NLGN4X: variants seen among roughly 807,000 people sequenced by gnomAD.
The protein encoded by NLGN4X is neuroligin-4, X-linked.
Under a neutral mutation model 40.3 loss-of-function variants are expected in NLGN4X, and 3 were observed. The ratio of observed to expected loss-of-function variants is 0.07; its 90% CI spans 0.03 to 0.19. The LOEUF is 0.19. Ranked by LOEUF, NLGN4X falls within the 10% of genes least tolerant of loss-of-function variation. NLGN4X has a pLI of 1.00. For synonymous variants in NLGN4X, 270 were observed against 306.8 expected, an observed-to-expected ratio of 0.88 and a Z score of 1.25; for missense variants, 382 against 708.3, an observed-to-expected ratio of 0.54 and a Z score of 5.23.
At chrX:6,182,385 G>C (rs533896235) in intron 1 of NLGN4X, among the ~76,000 whole-genome samples, 4 of 111,527 alleles carry the variant, frequency 3.6e-5, no homozygotes, top group African/African-American at 1.3e-4. Flanking sequence ...GGGAAAACAA[G>C]AGTGTTGTCA....
Position 5,909,112 on chromosome X carries a change from A to G in NLGN4X, c.753T>C (p.Phe251=), listed in dbSNP as rs1481506119. 1.7e-6 allele frequency: 2 copies of G among 1,209,356 alleles called. No homozygotes were observed. The highest frequency in any genetic ancestry group is 4.4e-5 in the Admixed American group (2 of 45,657). The change falls in exon 4 of 6, where the codon TTT becomes TTC. Residue 251 remains phenylalanine (F), a synonymous_variant. Transcript: ENST00000381095. ...FGGDPKRVTI[F]GSGAGASCVS... ...CACAGGAGGCCCCAGCCCCCGAGCC[A>G]AAGATGGTCACTCTCTTGGGGTCCC...
intron 3 of NLGN4X, among the ~76,000 whole-genome samples, chrX:5,949,373 G>A (rs189066521): frequency 1.8e-5 from 2 of 111,615 alleles, no homozygotes; most frequent in East Asian, 5.7e-4. Context: ...GTGATCAGTT[G>A]GTGATGCCTT....
chrX:5,958,795 A>G (rs1248884036), intron 3 of NLGN4X, among the ~76,000 whole-genome samples: 1 of 112,333 alleles, frequency 8.9e-6, no homozygotes, highest in Non-Finnish European at 1.9e-5. Context: ...CAGAAAATGT[A>G]GAGATACAGG....
At chrX:6,098,791 C>T (rs774357536) in intron 2 of NLGN4X, among the ~76,000 whole-genome samples, 30 of 111,854 alleles carry the variant, frequency 2.7e-4, no homozygotes, top group Admixed American at 2.4e-3. Flanking sequence ...TAACTTACTA[C>T]TGCCCCTTCA....
intron 1 of NLGN4X, among the ~76,000 whole-genome samples, chrX:6,156,457 C>T (rs905134965): frequency 2.7e-5 from 3 of 111,369 alleles, no homozygotes; most frequent in Non-Finnish European, 5.7e-5. Context: ...TGCAGTGAGC[C>T]AAGATCGCGC....
chrX:6,209,252 T>C (rs1924341567), intron 1 of NLGN4X, among the ~76,000 whole-genome samples: 2 of 111,792 alleles, frequency 1.8e-5, no homozygotes, highest in Admixed American at 9.5e-5. Flanking sequence ...GGTAGGATGA[T>C]GAGGAATGAG....
intron 2 of NLGN4X, among the ~76,000 whole-genome samples, chrX:6,093,439 C>A (rs1197896748): frequency 9.0e-6 from 1 of 111,457 alleles, no homozygotes; most frequent in Admixed American, 9.6e-5. Flanking sequence ...GCAAGCTTTT[C>A]TTGAAAAGTA....
chrX:6,097,197 C>A (rs1353141247), intron 2 of NLGN4X, among the ~76,000 whole-genome samples: 1 of 105,181 alleles, frequency 9.5e-6, no homozygotes, highest in African/African-American at 3.5e-5. Flanking sequence ...TTGAAGGTAT[C>A]TTTGCCTGAT....
At chrX:6,086,120 T>C (rs1602203161) in intron 2 of NLGN4X, among the ~76,000 whole-genome samples, 1 of 112,239 alleles carries the variant, frequency 8.9e-6, no homozygotes, top group Admixed American at 9.4e-5. Flanking sequence ...ACAGAATTTC[T>C]TAAACTTACT....
At chrX:5,993,490 C>A (rs1382960935) in intron 3 of NLGN4X, among the ~76,000 whole-genome samples, 2 of 111,979 alleles carry the variant, frequency 1.8e-5, no homozygotes, top group Non-Finnish European at 3.8e-5. Context: ...TAACACCCTT[C>A]AAACTCACTC....
intron 3 of NLGN4X, among the ~76,000 whole-genome samples, chrX:5,978,272 TTTTCTTTCTTTCTTTCTTTCTTTC>T (rs780650966): frequency 0.013 from 268 of 20,329 alleles, 3 homozygotes; most frequent in South Asian, 0.023. Flanking sequence ...GCGTCTCTTT[TTTTCTTTCTTTCTTTCTTTCTTTC>T]TTTCTTTCTT....
intron 3 of NLGN4X, among the ~76,000 whole-genome samples, chrX:5,950,958 T>C (rs1324348494): frequency 8.9e-6 from 1 of 112,234 alleles, no homozygotes; most frequent in Non-Finnish European, 1.9e-5. Flanking sequence ...GGTTCCTTTA[T>C]TGCTTTTCTC....
At chrX:6,163,564 C>A (rs777046455) in intron 1 of NLGN4X, among the ~76,000 whole-genome samples, 3 of 112,229 alleles carry the variant, frequency 2.7e-5, no homozygotes, top group Non-Finnish European at 5.6e-5. Flanking sequence ...CTGCCTCCCA[C>A]CTGCTCCTTC....
intron 3 of NLGN4X, among the ~76,000 whole-genome samples, chrX:5,979,816 A>G (rs1046008158): frequency 3.8e-5 from 4 of 105,903 alleles, no homozygotes; most frequent in South Asian, 8.3e-4. Flanking sequence ...ATATATGTGT[A>G]TATATACACA....
At chrX:5,902,083 T>C (rs2031904273) in intron 5 of NLGN4X, among the ~76,000 whole-genome samples, 1 of 110,786 alleles carries the variant, frequency 9.0e-6, no homozygotes, top group Non-Finnish European at 1.9e-5. Context: ...GAGATATGGT[T>C]GAAATTAGAC....
chrX:6,110,715 C>A (rs1351470222), intron 2 of NLGN4X, among the ~76,000 whole-genome samples: 1 of 111,724 alleles, frequency 9.0e-6, no homozygotes, highest in Non-Finnish European at 1.9e-5. Flanking sequence ...TGTAGAGGCA[C>A]TTGTAATATC....
chrX:5,973,916 C>T (rs2035101210), intron 3 of NLGN4X, among the ~76,000 whole-genome samples: 1 of 112,391 alleles, frequency 8.9e-6, no homozygotes, highest in African/African-American at 3.2e-5. Flanking sequence ...CCAACCATGG[C>T]AGTCCAATCA....
chrX:6,067,403 T>C (rs774647257), intron 2 of NLGN4X, among the ~76,000 whole-genome samples: 3 of 110,950 alleles, frequency 2.7e-5, no homozygotes, highest in Admixed American at 9.6e-5. Context: ...ACCATTTTCA[T>C]AGAATGCTGT....
chrX:6,194,241 C>T (rs1256004824), intron 1 of NLGN4X, among the ~76,000 whole-genome samples: 2 of 111,850 alleles, frequency 1.8e-5, no homozygotes, highest in Non-Finnish European at 3.8e-5. Flanking sequence ...CTTACATTCA[C>T]GGGTATAAAC....
Sources: gnomAD v4.1 joint callset for allele counts (sites outside exome capture counted in the v4.1 genomes callset) on GRCh38, gnomAD v4.1.1 for gene constraint, MANE v1.5 for transcripts, NCBI Gene and HGNC (gene_info 2026-07-23, HGNC 2026-07-21) for gene names.